The following KCNQ3 variants were observed in gnomAD, a reference collection of about 807,000 sequenced individuals.
KCNQ3 encodes potassium voltage-gated channel subfamily KQT member 3.
KCNQ3 carries 30 observed loss-of-function variants against 92.5 expected under a neutral mutation model. That is an observed-to-expected ratio of 0.32 (90% CI 0.24 to 0.44). The LOEUF (loss-of-function observed/expected upper bound fraction) is 0.44. Among genes scored for constraint, KCNQ3 ranks in the 20% least tolerant of loss-of-function variants. KCNQ3 has a pLI of 1.00. For missense variants in KCNQ3, 913 were observed against 1,140.3 expected (o/e 0.80, Z 2.87); for synonymous variants, 450 against 468.8 (o/e 0.96, Z 0.52).
chr8:132,423,447 G>A (rs918196499), intron 1 of KCNQ3, among the ~76,000 whole-genome samples: 1 of 152,136 alleles, frequency 6.6e-6, no homozygotes, highest in Non-Finnish European at 1.5e-5. Context: ...AGGCAGGAAG[G>A]GGCAATGGTT....
intron 1 of KCNQ3, among the ~76,000 whole-genome samples, chr8:132,310,525 G>A (rs1274300456): frequency 6.6e-6 from 1 of 152,206 alleles, no homozygotes; most frequent in African/African-American, 2.4e-5. Flanking sequence ...GAGTTCCACT[G>A]CCTGGGCTGG....
chr8:132,301,608 T>C (rs1563848795), intron 1 of KCNQ3, among the ~76,000 whole-genome samples: 1 of 152,180 alleles, frequency 6.6e-6, no homozygotes, highest in Non-Finnish European at 1.5e-5. Context: ...ATGGGAATAC[T>C]GAACCAAGGT....
chr8:132,324,971 C>T lies in KCNQ3; in HGVS notation c.387-138790G>A, dbSNP rs550774136. On this transcript the variant is annotated intron_variant, in intron 1 of 14. Coordinates refer to ENST00000388996, the MANE Select transcript of KCNQ3 (RefSeq NM_004519.4). ...AAACAACCCAGAATAATTTTGTATT[C>T]GCTGTCCTAGTTAGTTTTTTTTTTT... Among the ~76,000 whole-genome samples the T allele has an allele frequency of 1.8e-4, 27 of 151,770 alleles. 1 individual carries two copies. In the South Asian group the frequency reaches 4.2e-3, roughly 23 times the overall value.
At chr8:132,341,832 C>T (rs1818536563) in intron 1 of KCNQ3, among the ~76,000 whole-genome samples, 1 of 152,192 alleles carries the variant, frequency 6.6e-6, no homozygotes, top group African/African-American at 2.4e-5. Flanking sequence ...ACAAAACTCT[C>T]AGGCATCCAT....
intron 1 of KCNQ3, among the ~76,000 whole-genome samples, chr8:132,231,116 C>T (rs1014172770): frequency 3.3e-5 from 5 of 152,126 alleles, no homozygotes; most frequent in African/African-American, 7.2e-5. Flanking sequence ...CAAGCAATGC[C>T]GAGGATTGCC....
chr8:132,305,342 T>C (rs1319749776), intron 1 of KCNQ3, among the ~76,000 whole-genome samples: 1 of 152,192 alleles, frequency 6.6e-6, no homozygotes, highest in African/African-American at 2.4e-5. Flanking sequence ...CCACTGACTG[T>C]CCTAGAAAAT....
At chr8:132,155,489 C>G (rs1024605660) in intron 9 of KCNQ3, among the ~76,000 whole-genome samples, 5 of 152,088 alleles carry the variant, frequency 3.3e-5, no homozygotes, top group African/African-American at 1.2e-4. Context: ...ATAATACTTA[C>G]CATGGGCCAG....
At chr8:132,396,591 G>C (rs558218964) in intron 1 of KCNQ3, among the ~76,000 whole-genome samples, 2 of 152,296 alleles carry the variant, frequency 1.3e-5, no homozygotes, top group South Asian at 4.2e-4. Context: ...AAAAATACCA[G>C]AATTGAGGAC....
intron 1 of KCNQ3, among the ~76,000 whole-genome samples, chr8:132,248,253 T>G (rs1488143552): frequency 1.3e-5 from 2 of 152,070 alleles, no homozygotes; most frequent in Non-Finnish European, 2.9e-5. Context: ...TAGATACTTT[T>G]CTTCTTTTCA....
intron 1 of KCNQ3, among the ~76,000 whole-genome samples, chr8:132,210,645 G>A (rs139275928): frequency 2.8e-4 from 43 of 152,308 alleles, no homozygotes; most frequent in Non-Finnish European, 4.6e-4. Context: ...TCAGAGGTTC[G>A]ACTGGGGAAG....
At chr8:132,273,454 T>C (rs1205055569) in intron 1 of KCNQ3, among the ~76,000 whole-genome samples, 16 of 152,172 alleles carry the variant, frequency 1.1e-4, no homozygotes, top group Non-Finnish European at 2.2e-4. Flanking sequence ...GCCCAGCCCA[T>C]GAAACCATTT....
At chr8:132,219,315 C>T (rs867285330) in intron 1 of KCNQ3, among the ~76,000 whole-genome samples, 7 of 152,108 alleles carry the variant, frequency 4.6e-5, no homozygotes, top group South Asian at 4.2e-4. Context: ...TCCCTGCACA[C>T]GCTGCCTTAT....
chr8:132,261,827 G>A lies in KCNQ3; in HGVS notation c.387-75646C>T, dbSNP rs565490978. 7.2e-5 allele frequency among the ~76,000 whole-genome samples: 11 copies of A among 152,302 alleles called. No homozygotes were observed. The South Asian group carries it at 2.3e-3, about 32-fold the overall frequency. The stretch of plus-strand genomic sequence containing the variant: ...AGGCTATAGAATAAAATTATTGCGT[G>A]TAGTAACAAGGCTGGAACTACAGTG... On this transcript the variant is annotated intron_variant, in intron 1 of 14. Coordinates refer to ENST00000388996, the MANE Select transcript of KCNQ3 (RefSeq NM_004519.4).
At chr8:132,330,986 G>A (rs1231670730) in intron 1 of KCNQ3, among the ~76,000 whole-genome samples, 1 of 152,154 alleles carries the variant, frequency 6.6e-6, no homozygotes, top group Non-Finnish European at 1.5e-5. Context: ...GGTGGCTTCT[G>A]ATAAGCCACG....
At chr8:132,341,491 G>A (rs929548432) in intron 1 of KCNQ3, among the ~76,000 whole-genome samples, 2 of 152,166 alleles carry the variant, frequency 1.3e-5, no homozygotes, top group African/African-American at 4.8e-5. Context: ...TATGCATGTA[G>A]GTCTTATGGC....
intron 1 of KCNQ3, among the ~76,000 whole-genome samples, chr8:132,396,982 AAGAGAG>A (rs762265502): frequency 4.7e-5 from 7 of 148,344 alleles, no homozygotes; most frequent in South Asian, 2.2e-4. Flanking sequence ...GTGTGGGAGA[AAGAGAG>A]AGAGAGAGAG....
chr8:132,184,091 G>A, intron 3 of KCNQ3, 150 bp downstream of exon 3: 1 of 940,028 alleles, frequency 1.1e-6, no homozygotes, highest in Non-Finnish European at 1.7e-6. Context: ...GGTTGACACT[G>A]TCCCTTCTCA....
intron 1 of KCNQ3, among the ~76,000 whole-genome samples, chr8:132,453,532 T>C (rs542000989): frequency 1.2e-3 from 187 of 152,244 alleles, no homozygotes; most frequent in African/African-American, 3.7e-3. Flanking sequence ...CCGAGGGGCC[T>C]GCACTGGCCT....
chr8:132,184,187 A>G (rs1238920412), intron 3 of KCNQ3, 54 bp downstream of exon 3: 2 of 1,611,706 alleles, frequency 1.2e-6, no homozygotes, highest in Non-Finnish European at 1.7e-6. Context: ...CAGAGAAACA[A>G]TGCCCCAAAA....
Sources: allele counts gnomAD v4.1 joint callset (sites outside exome capture counted in the v4.1 genomes callset), GRCh38; gene constraint gnomAD v4.1.1; transcripts MANE v1.5; gene names NCBI Gene and HGNC (gene_info 2026-07-23, HGNC 2026-07-21).